The following PASD1 variants were observed in gnomAD, a reference collection of about 807,000 sequenced individuals.
PASD1 encodes the protein PAS domain containing repressor 1.
PASD1 carries 13 observed loss-of-function variants against 58.8 expected under a neutral mutation model. The observed-to-expected ratio is 0.22, with a 90% CI of 0.14 to 0.35. PASD1 has a LOEUF of 0.35. Among genes scored for constraint, PASD1 ranks in the 10% least tolerant of loss-of-function variants. The probability of loss-of-function intolerance (pLI) is 1.00; values close to 1 mark genes in which losing one functional copy is unlikely to be tolerated. For missense variants in PASD1, 734 were observed against 568.3 expected, an observed-to-expected ratio of 1.29 and a Z score of -2.96; for synonymous variants, 236 against 216.7, an observed-to-expected ratio of 1.09 and a Z score of -0.78.
intron 9 of PASD1, among the ~76,000 whole-genome samples, chrX:151,657,706 T>C (rs1819203710): frequency 9.0e-6 from 1 of 111,445 alleles, no homozygotes; most frequent in Admixed American, 9.6e-5. Flanking sequence ...GGTGGTGATA[T>C]CCCCTTTATC....
intron 1 of PASD1, among the ~76,000 whole-genome samples, chrX:151,583,514 GT>G (rs1388918535): frequency 3.6e-5 from 4 of 111,449 alleles, no homozygotes; most frequent in Non-Finnish European, 7.5e-5. Context: ...TCCCAGCGTA[GT>G]TTTTTTTGTG....
chrX:151,656,917 G>A (rs1398351297), intron 9 of PASD1, among the ~76,000 whole-genome samples: 1 of 111,704 alleles, frequency 9.0e-6, no homozygotes, highest in Non-Finnish European at 1.9e-5. Flanking sequence ...GGTGAGAGAC[G>A]GCATCCCTGT....
chrX:151,651,045 A>G (rs983396114), intron 9 of PASD1, among the ~76,000 whole-genome samples: 1 of 111,723 alleles, frequency 9.0e-6, no homozygotes, highest in Non-Finnish European at 1.9e-5. Flanking sequence ...GGGCTAGGGG[A>G]AAACCATTCC....
At chrX:151,643,905 A>C (rs2014026516) in intron 8 of PASD1, among the ~76,000 whole-genome samples, 1 of 112,382 alleles carries the variant, frequency 8.9e-6, no homozygotes. Flanking sequence ...TGTAAGATAC[A>C]GACCCCTGGG....
intron 1 of PASD1, among the ~76,000 whole-genome samples, chrX:151,578,820 A>G (rs764330556): frequency 8.9e-6 from 1 of 112,304 alleles, no homozygotes; most frequent in African/African-American, 3.2e-5. Flanking sequence ...CAGCATCACA[A>G]CTGTGGTGAA....
At chrX:151,655,802 G>A (rs1202424168) in intron 9 of PASD1, among the ~76,000 whole-genome samples, 1 of 111,762 alleles carries the variant, frequency 8.9e-6, no homozygotes, top group African/African-American at 3.3e-5. Context: ...CATTTTGTAG[G>A]TTGCCTGTTC....
chrX:151,597,123 T>C, intron 1 of PASD1, among the ~76,000 whole-genome samples: 1 of 112,256 alleles, frequency 8.9e-6, no homozygotes, highest in Non-Finnish European at 1.9e-5. Flanking sequence ...ATTTCTCTTT[T>C]TGATGCTGCC....
intron 2 of PASD1, among the ~76,000 whole-genome samples, chrX:151,604,366 A>G (rs571557616): frequency 9.0e-6 from 1 of 111,690 alleles, no homozygotes; most frequent in East Asian, 2.8e-4. Context: ...GGAAAAAAAG[A>G]ACTAGAAGTT....
At chrX:151,631,167 TGTTATTTTATGTTTATTAACTCA>T (rs2013861809) in intron 8 of PASD1, among the ~76,000 whole-genome samples, 1 of 110,335 alleles carries the variant, frequency 9.1e-6, no homozygotes, top group Non-Finnish European at 1.9e-5. Flanking sequence ...TACTTCATCA[TGTTATTTTATGTTTATTAACTCA>T]GTTATTTTCT....
At chrX:151,657,784 A>G (rs1192742454) in intron 9 of PASD1, among the ~76,000 whole-genome samples, 2 of 106,649 alleles carry the variant, frequency 1.9e-5, no homozygotes, top group Non-Finnish European at 3.8e-5. Flanking sequence ...CGGTCTATCA[A>G]TTTTGTTGAT....
chrX:151,622,125 T>G (rs966527702), intron 6 of PASD1, among the ~76,000 whole-genome samples: 1 of 111,045 alleles, frequency 9.0e-6, no homozygotes. Context: ...TCTGGGAATT[T>G]GAATGGACAA....
intron 1 of PASD1, among the ~76,000 whole-genome samples, chrX:151,567,016 C>T (rs1171225322): frequency 9.4e-6 from 1 of 106,774 alleles, no homozygotes; most frequent in Non-Finnish European, 1.9e-5. Context: ...TGCATTCCAG[C>T]CTGGGCAACA....
At chrX:151,629,930 C>T (rs1602942763) in intron 8 of PASD1, among the ~76,000 whole-genome samples, 1 of 111,741 alleles carries the variant, frequency 8.9e-6, no homozygotes, top group East Asian at 2.8e-4. Context: ...GAAAAATATT[C>T]TGATGCAGCA....
At chrX:151,585,526 G>C (rs1226948465) in intron 1 of PASD1, among the ~76,000 whole-genome samples, 1 of 110,855 alleles carries the variant, frequency 9.0e-6, no homozygotes, top group African/African-American at 3.3e-5. Flanking sequence ...GGAGGAAGAG[G>C]TGGTTGCAGG....
At chrX:151,589,612 A>G (rs1444392297) in intron 1 of PASD1, among the ~76,000 whole-genome samples, 1 of 111,775 alleles carries the variant, frequency 8.9e-6, no homozygotes, top group Admixed American at 9.5e-5. Context: ...AAGTTGAGAT[A>G]ATTGAGACTC....
chrX:151,566,835 G>A (rs2124215515), intron 1 of PASD1, among the ~76,000 whole-genome samples: 1 of 110,032 alleles, frequency 9.1e-6, no homozygotes, highest in South Asian at 3.9e-4. Flanking sequence ...GGGAGGCTGA[G>A]GCAGGTGGAT....
At chrX:151,589,624 T>C (rs924410499) in intron 1 of PASD1, among the ~76,000 whole-genome samples, 1 of 111,612 alleles carries the variant, frequency 9.0e-6, no homozygotes, top group Non-Finnish European at 1.9e-5. Flanking sequence ...TTGAGACTCA[T>C]AGAAGTTAAG....
At position 151,620,852 on chromosome X, in the gene PASD1, T is replaced by A. The variant is rs149304453; in HGVS notation, c.208-78T>A. Reference sequence around the variant, plus strand: ...AAGGAGATAGAGGAACTGAACAGTATTAACACAGATAAAAAAGTTTACTCT... The same window carrying A: ...AAGGAGATAGAGGAACTGAACAGTAATAACACAGATAAAAAAGTTTACTCT... On this transcript the variant is annotated intron_variant, in intron 4 of 15. Transcript: ENST00000370357. The A allele has an allele frequency of 2.1e-3, 1,247 of 605,888 alleles. 21 individuals are homozygous for A. In the African/African-American group the frequency reaches 0.027, roughly 13 times the overall value. 49.9% of individuals were successfully genotyped at this position (605,888 alleles called of 1,213,427 possible).
chrX:151,675,005 C>T (rs7885085), intron 15 of PASD1, among the ~76,000 whole-genome samples: 11,879 of 111,359 alleles, frequency 0.11, 570 homozygotes, highest in Admixed American at 0.22. Flanking sequence ...ACTGCTCACA[C>T]GGAGAGATCA....
Sources: allele counts gnomAD v4.1 joint callset (sites outside exome capture counted in the v4.1 genomes callset), GRCh38; gene constraint gnomAD v4.1.1; transcripts MANE v1.5; gene names NCBI Gene and HGNC (gene_info 2026-07-23, HGNC 2026-07-21).